Variants in ANKRD53 observed in about 807,000 individuals in gnomAD.
ANKRD53 encodes ankyrin repeat domain 53.
ANKRD53 carries 27 observed loss-of-function variants against 30.1 expected under a neutral mutation model. That is an observed-to-expected ratio of 0.90 (90% CI 0.66 to 1.24). ANKRD53 has a LOEUF of 1.24. ANKRD53 is among the 50% of genes most tolerant of loss of function. ANKRD53 has a pLI of 0.00. For synonymous variants in ANKRD53, 286 were observed against 295.4 expected (o/e 0.97, Z 0.33); for missense variants, 682 against 721.0 (o/e 0.95, Z 0.62).
At position 70,978,711 on chromosome 2, in the gene ANKRD53, AGGGAG is replaced by A; in HGVS notation, c.67_71del (p.Gly23ArgfsTer26). 6.5e-7 allele frequency: 1 copy of A among 1,549,598 alleles called. No individual in the cohort carries two copies. The highest frequency in any genetic ancestry group is 8.7e-7 in the Non-Finnish European group (1 of 1,146,850). ...GAAGCTGGCACTCAGAAAGGGGAGA[AGGGAG>A]AGGTGCTCGGCCGCAGCCAACTCCA... On this transcript the variant is annotated frameshift_variant, in exon 1 of 6. Transcript: ENST00000360589. LOFTEE classifies it high-confidence loss of function. The surrounding 1 kb of genome is among the most constrained non-coding windows in gnomAD (Gnocchi z 4.3).
At chr2:70,979,532 CA>C in intron 2 of ANKRD53, 128 bp from the exon 3 acceptor site, 1 of 1,388,446 alleles carries the variant, frequency 7.2e-7, no homozygotes. Context: ...GGTTAATTAG[CA>C]AAAGGGTGTG....
At chr2:70,984,227 GAGA>G (rs782212031) in intron 5 of ANKRD53, 10 of 1,614,062 alleles carry the variant, frequency 6.2e-6, no homozygotes, top group African/African-American at 4.0e-5. Flanking sequence ...GATTCCTTTG[GAGA>G]AGAAGGGAAT....
At position 70,982,049 on chromosome 2, in the gene ANKRD53, G is replaced by C; in HGVS notation, c.731G>C (p.Gly244Ala). ...GANVHAQDAMGYKPIDFCKIW... is the reference protein window; with the variant it reads ...GANVHAQDAMAYKPIDFCKIW... ...AACGTCCATGCCCAAGATGCCATGGGCTACAAACCCATTGACTTCTGCAAA... is the reference window on the plus strand; with the variant it reads ...AACGTCCATGCCCAAGATGCCATGGCCTACAAACCCATTGACTTCTGCAAA... The change falls in exon 4 of 6, where the codon GGC (glycine) becomes GCC (alanine). Residue 244 changes from glycine (G) to alanine (A), a missense_variant. Transcript: ENST00000360589. The surrounding 1 kb of genome is among the most constrained non-coding windows in gnomAD (Gnocchi z 4.2). The C allele has an allele frequency of 6.2e-7, 1 of 1,613,606 alleles. No individual in the cohort carries two copies. The highest frequency in any genetic ancestry group is 8.5e-7 in the Non-Finnish European group (1 of 1,179,762).
chr2:70,982,498 C>T lies in ANKRD53; in HGVS notation c.783-79C>T. On this transcript the variant is annotated intron_variant, in intron 4 of 5. Coordinates refer to ENST00000360589, the MANE Select transcript of ANKRD53 (RefSeq NM_001115116.2). The surrounding 1 kb of genome is among the most constrained non-coding windows in gnomAD (Gnocchi z 4.2). ...CTCCCCTCATCCCCATCCAAGCCCT[C>T]AGCAGCAGCCAGTCTTCCCAGCCCA... The T allele has an allele frequency of 6.3e-7, 1 of 1,578,878 alleles. No homozygotes were observed. Among genetic ancestry groups the T allele is most frequent in the Non-Finnish European group, 8.6e-7 (1 of 1,158,290 alleles).
At chr2:70,978,586 C>G (rs1223298395), upstream of ANKRD53, 3 of 1,419,814 alleles carry the variant, frequency 2.1e-6, no homozygotes, top group African/African-American at 4.5e-5. The surrounding 1 kb of genome is among the most constrained non-coding windows in gnomAD (Gnocchi z 4.3). Flanking sequence ...CCCCCGGGGG[C>G]GGGGCGCCGG....
At chr2:70,980,290 G>C (rs1239181390) in intron 3 of ANKRD53, among the ~76,000 whole-genome samples, 1 of 149,756 alleles carries the variant, frequency 6.7e-6, no homozygotes, top group Non-Finnish European at 1.5e-5. Flanking sequence ...ACTTCAGCCC[G>C]GGCAACAAGA....
intron 5 of ANKRD53, chr2:70,984,127 A>G (rs781850842): frequency 6.2e-7 from 1 of 1,613,140 alleles, no homozygotes; most frequent in Admixed American, 1.7e-5. Flanking sequence ...TTCCAGGGTC[A>G]AGGATGCAGT....
intron 2 of ANKRD53, 108 bp from the exon 3 acceptor site, chr2:70,979,553 G>C: frequency 7.1e-7 from 1 of 1,412,942 alleles, no homozygotes; most frequent in Non-Finnish European, 9.6e-7. Context: ...GAGCATTCCT[G>C]GGGACACAGG....
Position 70,985,379 on chromosome 2 carries a change from A to G in ANKRD53, c.*79A>G, listed in dbSNP as rs1298136193. 7.3e-7 allele frequency: 1 copy of G among 1,365,684 alleles called. No homozygotes were observed. The highest frequency in any genetic ancestry group is 2.1e-5 in the Admixed American group (1 of 46,516). The allele number at this position is 1,365,684 out of a possible 1,614,324, so 84.6% of individuals were successfully genotyped here. A position where few individuals can be genotyped will look rare whatever the true frequency, so the allele number is the denominator to read the frequency against. Reference sequence around the variant, plus strand: ...GCAATTCACGTTGTGGGTGGCGAGGAAAGGGGGAGGGGTGCCTATGGGCTT... The same window carrying G: ...GCAATTCACGTTGTGGGTGGCGAGGGAAGGGGGAGGGGTGCCTATGGGCTT... On this transcript the variant is annotated 3_prime_UTR_variant, in exon 6 of 6. Transcript: ENST00000360589.
rs564407782 is a variant in ANKRD53, at chr2:70,982,419, C to T, written c.783-158C>T. 10 of 1,043,502 alleles carry T rather than the reference C, an allele frequency of 9.6e-6. No homozygotes were observed. The highest frequency in any genetic ancestry group is 9.6e-6 in the Non-Finnish European group (7 of 730,916). 64.6% of individuals were successfully genotyped at this position (1,043,502 alleles called of 1,614,324 possible). A position where few individuals can be genotyped will look rare whatever the true frequency, so the allele number is the denominator to read the frequency against. On this transcript the variant is annotated intron_variant, in intron 4 of 5. Transcript: ENST00000360589. The surrounding 1 kb of genome is among the most constrained non-coding windows in gnomAD (Gnocchi z 4.2). The stretch of plus-strand genomic sequence containing the variant: ...TCTTTCACCTAAAGGAAGTAGGGAG[C>T]CAGAGGGCCCCGGGCAATGGGGATG...
At position 70,982,725 on chromosome 2, in the gene ANKRD53, G is replaced by A. The variant is rs781922254; in HGVS notation, c.903+28G>A. 6.2e-7 allele frequency: 1 copy of A among 1,611,230 alleles called. No homozygotes were observed. The highest frequency in any genetic ancestry group is 1.7e-5 in the Admixed American group (1 of 59,944). On this transcript the variant is annotated intron_variant, in intron 5 of 5. Coordinates refer to ENST00000360589, the MANE Select transcript of ANKRD53 (RefSeq NM_001115116.2). This position sits in a 1 kb window ranked among gnomAD's most constrained non-coding sequence, Gnocchi z 4.2. ...AAGGGGGACAGCAGGGGGGCCAGGG[G>A]ACAGCTGCTATCCAGGCATGTGAGC... is the stretch of plus-strand genomic sequence containing the variant.
At chr2:70,983,532 G>A (rs920245918) in intron 5 of ANKRD53, among the ~76,000 whole-genome samples, 6 of 152,140 alleles carry the variant, frequency 3.9e-5, no homozygotes, top group Admixed American at 3.3e-4. Flanking sequence ...TCCTGAAATG[G>A]GGAGGGCTTT....
chr2:70,980,026 T>G, intron 3 of ANKRD53, among the ~76,000 whole-genome samples, 166 bp downstream of exon 3: 1 of 152,196 alleles, frequency 6.6e-6, no homozygotes, highest in African/African-American at 2.4e-5. Flanking sequence ...ATAAAGAGAC[T>G]GGGCTTTAGC....
At chr2:70,984,376 C>A (rs1670106790) in intron 5 of ANKRD53, 1 of 1,581,482 alleles carries the variant, frequency 6.3e-7, no homozygotes, top group East Asian at 2.2e-5. Context: ...GGTGCTTTGT[C>A]TCCCCACTCA....
chr2:70,984,854 C>T lies in ANKRD53; in HGVS notation c.1147C>T (p.Pro383Ser), dbSNP rs1670126272. 6.4e-7 allele frequency: 1 copy of T among 1,551,710 alleles called. No homozygotes were observed. The highest frequency in any genetic ancestry group is 8.7e-7 in the Non-Finnish European group (1 of 1,147,078). Reference sequence around the variant, plus strand: ...CTACAGGAAGCCCACGGTCAAGCGGCCCACAATGTGGAATGTTAGCAACAA... The same window carrying T: ...CTACAGGAAGCCCACGGTCAAGCGGTCCACAATGTGGAATGTTAGCAACAA... ...PIYRKPTVKRPTMWNVSNNPA... is the reference protein window; with the variant it reads ...PIYRKPTVKRSTMWNVSNNPA... Residue 383 changes from proline (P) to serine (S), a missense_variant, in exon 6 of 6, where the codon CCC becomes TCC. Pro to Ser is a moderately conservative substitution (Grantham distance 74). Coordinates refer to ENST00000360589, the MANE Select transcript of ANKRD53 (RefSeq NM_001115116.2).
At chr2:70,981,517 G>A (rs1389800252) in intron 3 of ANKRD53, among the ~76,000 whole-genome samples, 1 of 152,186 alleles carries the variant, frequency 6.6e-6, no homozygotes, top group African/African-American at 2.4e-5. Context: ...AACATCATAT[G>A]CAAAGACCAT....
At chr2:70,980,529 C>T (rs1669976232) in intron 3 of ANKRD53, among the ~76,000 whole-genome samples, 1 of 152,116 alleles carries the variant, frequency 6.6e-6, no homozygotes, top group South Asian at 2.1e-4. Context: ...ATAGTCCCAG[C>T]TACTTGGGAG....
rs1437801983 is a variant in ANKRD53 at position 70,985,011 on chromosome 2, G to A, written c.1304G>A (p.Arg435Gln). 10 of 1,548,954 alleles carry A rather than the reference G, an allele frequency of 6.5e-6. No individual in the cohort carries two copies. In the Admixed American group the frequency reaches 7.9e-5, roughly 12 times the overall value. The change falls in exon 6 of 6, where the codon CGG becomes CAG. Residue 435 changes from arginine to glutamine, a missense_variant. Coordinates refer to ENST00000360589, the MANE Select transcript of ANKRD53 (RefSeq NM_001115116.2). The part of the protein sequence containing the change: ...EVRPDGHGGA[R>Q]LHTVDGHWVA... ...AGGCCTGATGGGCACGGCGGTGCGC[G>A]GCTGCACACAGTGGACGGCCACTGG...
Position 70,982,489 on chromosome 2 carries a change from C to T in ANKRD53, c.783-88C>T. On this transcript the variant is annotated intron_variant, in intron 4 of 5. Transcript: ENST00000360589. This position sits in a 1 kb window ranked among gnomAD's most constrained non-coding sequence, Gnocchi z 4.2. Reference sequence around the variant, plus strand: ...CTCTGGCCACTCCCCTCATCCCCATCCAAGCCCTCAGCAGCAGCCAGTCTT... The same window carrying T: ...CTCTGGCCACTCCCCTCATCCCCATTCAAGCCCTCAGCAGCAGCCAGTCTT... The T allele has an allele frequency of 1.9e-6, 3 of 1,566,258 alleles. No homozygotes were observed. The highest frequency in any genetic ancestry group is 2.6e-6 in the Non-Finnish European group (3 of 1,150,016).
Sources: gnomAD v4.1 joint callset for allele counts (sites outside exome capture counted in the v4.1 genomes callset) on GRCh38, gnomAD v4.1.1 for gene constraint, Gnocchi (gnomAD v3.1) non-coding constraint, MANE v1.5 for transcripts, NCBI Gene and HGNC (gene_info 2026-07-23, HGNC 2026-07-21) for gene names.